Variants in TET1 observed in about 807,000 individuals in gnomAD.
TET1 encodes the protein tet methylcytosine dioxygenase 1.
Under a neutral mutation model 148.7 loss-of-function variants are expected in TET1, and 13 were observed. The observed-to-expected ratio is 0.09, with a 90% CI of 0.06 to 0.14. TET1 has a LOEUF of 0.14. TET1 is among the 10% of genes least tolerant of loss of function. TET1 has a pLI of 1.00. For missense variants in TET1, 2,182 were observed against 2,553.8 expected (o/e 0.85, Z 3.14); for synonymous variants, 907 against 937.2 (o/e 0.97, Z 0.59).
chr10:68,586,360 CAG>C (rs1156474913), intron 2 of TET1, among the ~76,000 whole-genome samples: 1 of 151,954 alleles, frequency 6.6e-6, no homozygotes, highest in Non-Finnish European at 1.5e-5. Context: ...GTATTTTTAG[CAG>C]AGACAGGGTT....
At chr10:68,631,433 C>CTTTTTTTTTTTTTTTTTTTT (rs546257824) in intron 3 of TET1, among the ~76,000 whole-genome samples, 2 of 110,588 alleles carry the variant, frequency 1.8e-5, no homozygotes, top group African/African-American at 6.7e-5. Flanking sequence ...TTTCTTTCTT[C>CTTTTTTTTTTTTTTTTTTTT]TTTTTTTTTT....
chr10:68,628,838 T>C (rs2054526860), intron 3 of TET1, among the ~76,000 whole-genome samples: 1 of 152,100 alleles, frequency 6.6e-6, no homozygotes, highest in Admixed American at 6.6e-5. Flanking sequence ...CTAGGTGATG[T>C]TGATGTTTAG....
In TET1 at chr10:68,641,996, T is replaced by G. The variant is rs77004435; in HGVS notation, c.1969-2702T>G. On this transcript the variant is annotated intron_variant, in intron 3 of 11. Coordinates refer to ENST00000373644, the MANE Select transcript of TET1 (RefSeq NM_030625.3). ...TTTTCATTTATTCTTTTACTAAATT[T>G]ACAAATAAATATTGTGTATATTTAT... 9.6e-3 allele frequency among the ~76,000 whole-genome samples: 1,467 copies of G among 152,336 alleles called. 24 individuals carry two copies. The highest frequency in any genetic ancestry group is 0.034 in the African/African-American group (1,415 of 41,586).
chr10:68,662,299 G>A (rs1020861637), intron 6 of TET1, among the ~76,000 whole-genome samples: 1 of 152,000 alleles, frequency 6.6e-6, no homozygotes, highest in African/African-American at 2.4e-5. Flanking sequence ...ATGAGCTACC[G>A]TACCCAGCCT....
At chr10:68,616,653 A>G (rs1348864822) in intron 3 of TET1, among the ~76,000 whole-genome samples, 7 of 151,990 alleles carry the variant, frequency 4.6e-5, no homozygotes, top group Admixed American at 2.0e-4. Flanking sequence ...CTCTCGATTC[A>G]GCCTCCAAAA....
At chr10:68,622,605 C>CACAGTTCCACACAGTTCCTCAGTGTTGA (rs1270677492) in intron 3 of TET1, among the ~76,000 whole-genome samples, 3 of 152,112 alleles carry the variant, frequency 2.0e-5, no homozygotes, top group East Asian at 1.9e-4. Flanking sequence ...TGATCTCCAA[C>CACAGTTCCACACAGTTCCTCAGTGTTGA]ACAGTTCCAC....
intron 2 of TET1, among the ~76,000 whole-genome samples, chr10:68,595,821 T>C (rs1255125386): frequency 2.1e-5 from 3 of 144,754 alleles, no homozygotes; most frequent in Non-Finnish European, 4.5e-5. Flanking sequence ...TTTCATCATG[T>C]TGGTCAGGCT....
intron 3 of TET1, among the ~76,000 whole-genome samples, chr10:68,643,815 A>G (rs1359968703): frequency 1.3e-5 from 2 of 152,246 alleles, no homozygotes; most frequent in Admixed American, 6.5e-5. Context: ...CCCGTCTGAA[A>G]AAAAATAAAT....
At chr10:68,638,985 C>T (rs1196589309) in intron 3 of TET1, among the ~76,000 whole-genome samples, 3 of 151,992 alleles carry the variant, frequency 2.0e-5, no homozygotes, top group Non-Finnish European at 4.4e-5. Context: ...AGGAGTTCAA[C>T]ATTATTCTTG....
chr10:68,565,475 A>AAAATATATATATAT (rs1388182777), intron 1 of TET1, among the ~76,000 whole-genome samples: 1 of 129,232 alleles, frequency 7.7e-6, no homozygotes, highest in African/African-American at 2.8e-5. Context: ...AAAAAAAAAA[A>AAAATATATATATAT]ATATATATAT....
intron 6 of TET1, among the ~76,000 whole-genome samples, chr10:68,657,260 T>G (rs1178114198): frequency 6.6e-6 from 1 of 151,924 alleles, no homozygotes; most frequent in African/African-American, 2.4e-5. Flanking sequence ...CACTGCAAGC[T>G]CCACCTCCCA....
At chr10:68,638,201 G>GT (rs1468714410) in intron 3 of TET1, among the ~76,000 whole-genome samples, 2 of 152,206 alleles carry the variant, frequency 1.3e-5, no homozygotes, top group Non-Finnish European at 2.9e-5. Flanking sequence ...GTGGGAGGAA[G>GT]TGAATACAGT....
At chr10:68,630,659 T>C (rs969142196) in intron 3 of TET1, among the ~76,000 whole-genome samples, 4 of 152,112 alleles carry the variant, frequency 2.6e-5, no homozygotes, top group Non-Finnish European at 5.9e-5. Flanking sequence ...CAGTTGGTGG[T>C]TGACTGAGTT....
At chr10:68,582,030 T>C (rs1462464990) in intron 2 of TET1, among the ~76,000 whole-genome samples, 1 of 152,212 alleles carries the variant, frequency 6.6e-6, no homozygotes. Context: ...TAATGTATTT[T>C]TTGTCTAAAA....
chr10:68,653,021 T>C (rs1247028132), intron 6 of TET1, among the ~76,000 whole-genome samples: 1 of 151,920 alleles, frequency 6.6e-6, no homozygotes, highest in Non-Finnish European at 1.5e-5. Flanking sequence ...CTCAGTTTGT[T>C]GTGGTTTTAC....
intron 2 of TET1, among the ~76,000 whole-genome samples, chr10:68,590,806 A>C (rs1417523489): frequency 6.6e-6 from 1 of 151,440 alleles, no homozygotes; most frequent in Non-Finnish European, 1.5e-5. Flanking sequence ...TAAATAAATA[A>C]ATATTTAAAA....
chr10:68,599,874 TTCTC>T (rs2054032148), intron 2 of TET1, among the ~76,000 whole-genome samples: 1 of 152,156 alleles, frequency 6.6e-6, no homozygotes, highest in African/African-American at 2.4e-5. Context: ...AGAAAATCCT[TTCTC>T]TCTAGCCACT....
At chr10:68,660,923 CA>C (rs1481817042) in intron 6 of TET1, among the ~76,000 whole-genome samples, 1 of 152,192 alleles carries the variant, frequency 6.6e-6, no homozygotes, top group Non-Finnish European at 1.5e-5. Flanking sequence ...CTCGGCCTCC[CA>C]AAGTGTTGGG....
At chr10:68,681,539 T>C (rs1040455063) in intron 9 of TET1, 51 bp downstream of exon 9, 1 of 1,283,096 alleles carries the variant, frequency 7.8e-7, no homozygotes, top group African/African-American at 1.5e-5. Context: ...AGGTGGGGTC[T>C]TGCTTTGTTG....
Sources: gnomAD v4.1 joint callset for allele counts (sites outside exome capture counted in the v4.1 genomes callset) on GRCh38, gnomAD v4.1.1 for gene constraint, MANE v1.5 for transcripts, NCBI Gene and HGNC (gene_info 2026-07-23, HGNC 2026-07-21) for gene names.